MARCHF1: variants seen among roughly 807,000 people sequenced by gnomAD.
MARCHF1 encodes E3 ubiquitin-protein ligase MARCHF1.
In MARCHF1, 40 loss-of-function variants were observed where a neutral mutation model predicts 54.2. That is an observed-to-expected ratio of 0.74 (90% CI 0.57 to 0.96). MARCHF1 has a LOEUF of 0.96. Ranked by LOEUF, MARCHF1 falls within the 40% of genes least tolerant of loss-of-function variation. The pLI, the probability that MARCHF1 is intolerant of heterozygous loss-of-function variation, is 0.00. For synonymous variants in MARCHF1, 236 were observed against 236.3 expected, an observed-to-expected ratio of 1.00 and a Z score of 0.01; for missense variants, 586 against 656.5, an observed-to-expected ratio of 0.89 and a Z score of 1.17.
At chr4:164,040,215 T>C (rs1754096033) in intron 2 of MARCHF1, among the ~76,000 whole-genome samples, 1 of 144,570 alleles carries the variant, frequency 6.9e-6, no homozygotes. Flanking sequence ...TATATATATT[T>C]ATACTATATG....
At chr4:164,190,288 G>A (rs1484744311) in intron 1 of MARCHF1, 1 of 801,124 alleles carries the variant, frequency 1.2e-6, no homozygotes, top group African/African-American at 1.7e-5. Flanking sequence ...GGAAGTGCAA[G>A]CCCTCTCCCA....
At position 163,527,630 on chromosome 4, in the gene MARCHF1, C is replaced by G. The variant is rs901198740; in HGVS notation, c.*1118G>C. The G allele has an allele frequency of 7.3e-5, 7 of 96,024 alleles. No homozygotes were observed. The highest frequency in any genetic ancestry group is 4.8e-5 in the Non-Finnish European group (2 of 41,416). The allele number at this position is 96,024 out of a possible 1,614,324, so 5.9% of individuals were successfully genotyped here. A position where few individuals can be genotyped will look rare whatever the true frequency, so the allele number is the denominator to read the frequency against. ...TAATGCTTTTAAAAATCATAACTAA[C>G]TTTTGTGACTTTGAAATAAAAGAAT... is the stretch of plus-strand genomic sequence containing the variant. On this transcript the variant is annotated 3_prime_UTR_variant, in exon 10 of 10. Transcript: ENST00000514618.
intron 4 of MARCHF1, among the ~76,000 whole-genome samples, chr4:163,844,883 C>T (rs1415425926): frequency 6.6e-6 from 1 of 152,096 alleles, no homozygotes; most frequent in Admixed American, 6.6e-5. Context: ...GGAGAATCAG[C>T]AGAGTAATTG....
chr4:163,733,211 A>ACACACATG (rs1204148846), intron 4 of MARCHF1, among the ~76,000 whole-genome samples: 12 of 42,172 alleles, frequency 2.8e-4, no homozygotes, highest in African/African-American at 6.8e-4. Flanking sequence ...ATATATATAT[A>ACACACATG]TATATATATA....
chr4:164,151,269 T>C (rs1246994081), intron 1 of MARCHF1, among the ~76,000 whole-genome samples: 1 of 152,222 alleles, frequency 6.6e-6, no homozygotes, highest in East Asian at 1.9e-4. Flanking sequence ...GAAAAAACAT[T>C]ACAGAAGCTC....
intron 4 of MARCHF1, among the ~76,000 whole-genome samples, chr4:163,768,450 A>T (rs1334544664): frequency 6.6e-6 from 1 of 152,176 alleles, no homozygotes; most frequent in Non-Finnish European, 1.5e-5. Flanking sequence ...TAAATTAGTT[A>T]GAAAGACATG....
chr4:163,741,043 C>A (rs1243805746), intron 4 of MARCHF1, among the ~76,000 whole-genome samples: 1 of 152,076 alleles, frequency 6.6e-6, no homozygotes, highest in Admixed American at 6.6e-5. Flanking sequence ...CTTTTGTCTA[C>A]TTAGTCTTTG....
chr4:163,645,390 A>T (rs1321788093), intron 5 of MARCHF1, among the ~76,000 whole-genome samples: 8 of 152,164 alleles, frequency 5.3e-5, no homozygotes, highest in Admixed American at 5.2e-4. Flanking sequence ...CTGCCAAAAC[A>T]TGTCTGTAAA....
chr4:163,690,232 A>C (rs913272104), intron 5 of MARCHF1, among the ~76,000 whole-genome samples: 1 of 152,240 alleles, frequency 6.6e-6, no homozygotes, highest in Non-Finnish European at 1.5e-5. Context: ...TTCAACAAAA[A>C]TATTTTCAAT....
At chr4:164,066,190 A>T (rs887760332) in intron 2 of MARCHF1, among the ~76,000 whole-genome samples, 1 of 148,684 alleles carries the variant, frequency 6.7e-6, no homozygotes, top group African/African-American at 2.5e-5. Context: ...GAAAAAAAAA[A>T]CTCCATTAAA....
intron 3 of MARCHF1, among the ~76,000 whole-genome samples, chr4:163,870,392 G>A (rs775768170): frequency 1.1e-4 from 16 of 152,014 alleles, no homozygotes; most frequent in South Asian, 8.3e-4. Context: ...ACAAATAAGC[G>A]GAAATATATA....
chr4:163,941,717 A>G (rs1287644995), intron 3 of MARCHF1, among the ~76,000 whole-genome samples: 2 of 152,140 alleles, frequency 1.3e-5, no homozygotes, highest in Non-Finnish European at 2.9e-5. Flanking sequence ...TTAAGTACCC[A>G]AGTTTTCTCA....
chr4:163,902,248 G>A (rs1750960203), intron 3 of MARCHF1, among the ~76,000 whole-genome samples: 1 of 152,164 alleles, frequency 6.6e-6, no homozygotes, highest in South Asian at 2.1e-4. Flanking sequence ...TGTAGCAGCT[G>A]TAATATGCCT....
At chr4:163,754,210 G>A (rs1438585634) in intron 4 of MARCHF1, among the ~76,000 whole-genome samples, 5 of 152,140 alleles carry the variant, frequency 3.3e-5, no homozygotes, top group African/African-American at 4.8e-5. Flanking sequence ...GGTTCAAGCC[G>A]AGCAAGAACA....
chr4:163,584,568 A>T (rs1241887950), intron 8 of MARCHF1: 3 of 151,592 alleles, frequency 2.0e-5, no homozygotes, highest in African/African-American at 7.3e-5. Flanking sequence ...CCCCATTGTT[A>T]AAAAAAGACC....
At chr4:163,935,463 C>G (rs1462959862) in intron 3 of MARCHF1, among the ~76,000 whole-genome samples, 1 of 152,182 alleles carries the variant, frequency 6.6e-6, no homozygotes, top group South Asian at 2.1e-4. Context: ...TTTGCTGCCT[C>G]ACCTTGCTCT....
chr4:163,831,488 G>A (rs987541512), intron 4 of MARCHF1, among the ~76,000 whole-genome samples: 1 of 152,224 alleles, frequency 6.6e-6, no homozygotes. Context: ...CTCCTCGGGA[G>A]TCTGAGGTGG....
Position 164,214,048 on chromosome 4 carries a change from G to A in MARCHF1, c.-322-102386C>T, listed in dbSNP as rs79319987. 5.7e-3 allele frequency among the ~76,000 whole-genome samples: 868 copies of A among 151,766 alleles called. 7 individuals are homozygous for A. The highest frequency in any genetic ancestry group is 0.019 in the African/African-American group (776 of 41,406). On this transcript the variant is annotated intron_variant, in intron 1 of 9. Coordinates refer to ENST00000514618, the MANE Select transcript of MARCHF1 (RefSeq NM_001394959.1). ...AAAATAACTCCTGTATATGTTTATG[G>A]GTAAATATATACACCTACTATGTAC...
At chr4:164,348,507 G>A (rs1730179671) in intron 1 of MARCHF1, among the ~76,000 whole-genome samples, 1 of 152,178 alleles carries the variant, frequency 6.6e-6, no homozygotes. Context: ...GTAAGTAGAT[G>A]TTGCTCTCCT....
Sources: gnomAD v4.1 joint callset for allele counts (sites outside exome capture counted in the v4.1 genomes callset) on GRCh38, gnomAD v4.1.1 for gene constraint, MANE v1.5 for transcripts, NCBI Gene and HGNC (gene_info 2026-07-23, HGNC 2026-07-21) for gene names.